The following WDFY4 variants were observed in gnomAD, a reference collection of about 807,000 sequenced individuals.
WDFY4 encodes WD repeat- and FYVE domain-containing protein 4.
WDFY4 carries 169 observed loss-of-function variants against 351.9 expected under a neutral mutation model. The ratio of observed to expected loss-of-function variants is 0.48; its 90% confidence interval spans 0.42 to 0.55. The LOEUF is 0.55. WDFY4 is among the 20% of genes least tolerant of loss of function. WDFY4 has a pLI of 0.00. For synonymous variants in WDFY4, 1,622 were observed against 1,574.6 expected (o/e 1.03, Z -0.71); for missense variants, 3,803 against 3,935.6 (o/e 0.97, Z 0.90).
At chr10:48,725,626 A>G (rs2064243546) in intron 5 of WDFY4, among the ~76,000 whole-genome samples, 1 of 152,160 alleles carries the variant, frequency 6.6e-6, no homozygotes, top group Non-Finnish European at 1.5e-5. Context: ...TTACTTCTTT[A>G]TTATTCTGAT....
At chr10:48,936,299 T>C (rs1019914012) in intron 47 of WDFY4, among the ~76,000 whole-genome samples, 12 of 152,102 alleles carry the variant, frequency 7.9e-5, no homozygotes, top group African/African-American at 2.9e-4. Context: ...AAATACATAA[T>C]TTAATGTAGA....
intron 2 of WDFY4, among the ~76,000 whole-genome samples, chr10:48,717,668 C>A (rs971351376): frequency 7.9e-5 from 12 of 152,186 alleles, no homozygotes; most frequent in African/African-American, 2.2e-4. Context: ...CTGTAATATA[C>A]TTTTACAACT....
intron 44 of WDFY4, among the ~76,000 whole-genome samples, chr10:48,897,075 G>A (rs748154451): frequency 3.9e-5 from 6 of 152,104 alleles, no homozygotes; most frequent in Non-Finnish European, 8.8e-5. Flanking sequence ...GACCCATGAA[G>A]CCCTCCCTGC....
intron 47 of WDFY4, among the ~76,000 whole-genome samples, chr10:48,936,627 G>A (rs1840379521): frequency 6.6e-6 from 1 of 151,906 alleles, no homozygotes; most frequent in Non-Finnish European, 1.5e-5. Context: ...CACAAGGTCT[G>A]GAGATCGAGA....
At chr10:48,700,110 G>T (rs1316924628) in intron 1 of WDFY4, among the ~76,000 whole-genome samples, 1 of 152,134 alleles carries the variant, frequency 6.6e-6, no homozygotes, top group East Asian at 1.9e-4. Flanking sequence ...GCAGGTTTTA[G>T]GCTGAAGGTT....
At position 48,826,657 on chromosome 10, in the gene WDFY4, T is replaced by C; in HGVS notation, c.5983-14T>C. The C allele has an allele frequency of 1.3e-6, 2 of 1,539,838 alleles. No homozygotes were observed. The highest frequency in any genetic ancestry group is 1.8e-6 in the Non-Finnish European group (2 of 1,136,538). ...CACAAGTTTGTGTATGTGTATGTTT[T>C]TTTAATGACACAGGTCATTGAGACT... On this transcript the variant is annotated splice_polypyrimidine_tract_variant and intron_variant, in intron 35 of 61. Coordinates refer to ENST00000325239, the MANE Select transcript of WDFY4 (RefSeq NM_001394531.1).
intron 1 of WDFY4, among the ~76,000 whole-genome samples, chr10:48,685,475 A>G (rs185565848): frequency 2.6e-5 from 4 of 152,116 alleles, no homozygotes; most frequent in Admixed American, 2.6e-4. Flanking sequence ...GGCCATTTCC[A>G]ACGGGCCTCA....
intron 58 of WDFY4, among the ~76,000 whole-genome samples, chr10:48,975,805 GATAA>G (rs755741555): frequency 1.3e-5 from 2 of 152,126 alleles, no homozygotes; most frequent in Non-Finnish European, 2.9e-5. Context: ...TGGGTAGATA[GATAA>G]ATGAATGGAT....
chr10:48,791,563 G>A (rs957202460), intron 23 of WDFY4, among the ~76,000 whole-genome samples: 7 of 152,310 alleles, frequency 4.6e-5, no homozygotes, highest in African/African-American at 1.4e-4. Context: ...ACCTGCACAC[G>A]GGACCTGCTT....
At chr10:48,905,459 A>G (rs146143260) in intron 47 of WDFY4, among the ~76,000 whole-genome samples, 1 of 152,326 alleles carries the variant, frequency 6.6e-6, no homozygotes, top group African/African-American at 2.4e-5. Context: ...CTTCTGTGGT[A>G]CAGTTGAGCC....
chr10:48,966,692 A>G lies in WDFY4; in HGVS notation c.8584+19A>G. The G allele has an allele frequency of 6.5e-7, 1 of 1,549,670 alleles. No individual in the cohort carries two copies. Among genetic ancestry groups the G allele is most frequent in the Non-Finnish European group, 8.7e-7 (1 of 1,145,870 alleles). On this transcript the variant is annotated intron_variant, in intron 55 of 61. Coordinates refer to ENST00000325239, the MANE Select transcript of WDFY4 (RefSeq NM_001394531.1). The stretch of plus-strand genomic sequence containing the variant: ...GTCAAAGGTGATTCCCTGGCCATGC[A>G]TTGTTTGGTGTCCTGTCCCAGGGTT...
chr10:48,830,986 C>G (rs2068171240), intron 38 of WDFY4, 101 bp downstream of exon 38: 2 of 1,165,612 alleles, frequency 1.7e-6, no homozygotes, highest in Non-Finnish European at 2.4e-6. Context: ...TCCACCTGGA[C>G]CCTCTGTCTC....
chr10:48,774,991 G>A (rs1326938097), intron 14 of WDFY4, among the ~76,000 whole-genome samples: 1 of 152,226 alleles, frequency 6.6e-6, no homozygotes, highest in Non-Finnish European at 1.5e-5. Flanking sequence ...GGCTCTGCCG[G>A]GAGGGGTGGG....
chr10:48,819,890 C>G (rs1339997982), intron 32 of WDFY4, among the ~76,000 whole-genome samples: 2 of 152,122 alleles, frequency 1.3e-5, no homozygotes, highest in Non-Finnish European at 2.9e-5. Context: ...GATCCGGTGT[C>G]AGATGGTTTT....
intron 39 of WDFY4, among the ~76,000 whole-genome samples, chr10:48,851,710 C>A (rs190041500): frequency 2.0e-5 from 3 of 152,362 alleles, no homozygotes; most frequent in South Asian, 4.1e-4. Flanking sequence ...CAGTGGTTAG[C>A]GGGTGTTTCC....
At chr10:48,844,212 G>A (rs1255007564) in intron 39 of WDFY4, among the ~76,000 whole-genome samples, 2 of 152,200 alleles carry the variant, frequency 1.3e-5, no homozygotes, top group African/African-American at 4.8e-5. Context: ...TTGTTGATGG[G>A]GGTTGATGTA....
intron 12 of WDFY4, among the ~76,000 whole-genome samples, chr10:48,756,703 A>G (rs1244795521): frequency 1.3e-5 from 2 of 152,124 alleles, no homozygotes; most frequent in African/African-American, 4.8e-5. Flanking sequence ...CTTTTTATGC[A>G]TTAAATGATA....
At chr10:48,961,542 T>C (rs1034040560) in intron 53 of WDFY4, among the ~76,000 whole-genome samples, 2 of 152,162 alleles carry the variant, frequency 1.3e-5, no homozygotes, top group Non-Finnish European at 2.9e-5. Context: ...CTTTAGAAGA[T>C]GAGGCAGTTA....
intron 1 of WDFY4, among the ~76,000 whole-genome samples, chr10:48,690,355 A>G (rs2063160241): frequency 6.6e-6 from 1 of 152,236 alleles, no homozygotes; most frequent in Non-Finnish European, 1.5e-5. Flanking sequence ...CACATTAATT[A>G]CAAGCAAAAT....
Sources: allele counts gnomAD v4.1 joint callset (sites outside exome capture counted in the v4.1 genomes callset), GRCh38; gene constraint gnomAD v4.1.1; transcripts MANE v1.5; gene names NCBI Gene and HGNC (gene_info 2026-07-23, HGNC 2026-07-21).